IVNS1ABP: variants seen among roughly 807,000 people sequenced by gnomAD.
IVNS1ABP encodes influenza virus NS1A binding protein.
IVNS1ABP carries 25 observed loss-of-function variants against 78.9 expected under a neutral mutation model. The observed-to-expected ratio is 0.32, with a 90% CI of 0.23 to 0.44. IVNS1ABP has a LOEUF of 0.44. IVNS1ABP is among the 20% of genes least tolerant of loss of function. The pLI, the probability that IVNS1ABP is intolerant of heterozygous loss-of-function variation, is 1.00. For synonymous variants in IVNS1ABP, 241 were observed against 259.7 expected (o/e 0.93, Z 0.69); for missense variants, 494 against 768.9 (o/e 0.64, Z 4.23).
Position 185,307,488 on chromosome 1 carries a change from C to T in IVNS1ABP, c.531+1G>A. ...ATCTGTTTATAGACTTTACTCCTTA[C>T]CTTTAGCCTTGGAAGCTTAAGAAAC... On this transcript the variant is annotated splice_donor_variant, in intron 6 of 14. Coordinates refer to ENST00000367498, the MANE Select transcript of IVNS1ABP (RefSeq NM_006469.5). LOFTEE classifies it high-confidence loss of function. 1 of 1,610,274 alleles carries T rather than the reference C, an allele frequency of 6.2e-7. No homozygotes were observed. Among genetic ancestry groups the T allele is most frequent in the Non-Finnish European group, 8.5e-7 (1 of 1,177,940 alleles).
At chr1:185,314,437 C>G (rs778488198) in intron 1 of IVNS1ABP, among the ~76,000 whole-genome samples, 2 of 152,098 alleles carry the variant, frequency 1.3e-5, no homozygotes, top group Non-Finnish European at 2.9e-5. Flanking sequence ...ATAGCTTAAG[C>G]AGAAAGGAAA....
Position 185,311,834 on chromosome 1 carries a change from G to A in IVNS1ABP, c.-246-512C>T, listed in dbSNP as rs193003402. Reference sequence around the variant, plus strand: ...GGCCCTTAACCCAACCTCTGCCAGAGGAAATCTTACAGCCATAGAGCCTCT... The same window carrying A: ...GGCCCTTAACCCAACCTCTGCCAGAAGAAATCTTACAGCCATAGAGCCTCT... On this transcript the variant is annotated intron_variant, in intron 1 of 14. Transcript: ENST00000367498. Among the ~76,000 whole-genome samples the A allele has an allele frequency of 3.2e-3, 488 of 152,244 alleles. 2 individuals are homozygous for A. Among genetic ancestry groups the A allele is most frequent in the African/African-American group, 0.011 (466 of 41,528 alleles).
chr1:185,307,131 T>C lies in IVNS1ABP; in HGVS notation c.540A>G (p.Val180=). 3 of 1,613,238 alleles carry C rather than the reference T, an allele frequency of 1.9e-6. No individual in the cohort carries two copies. The highest frequency in any genetic ancestry group is 2.5e-6 in the Non-Finnish European group (3 of 1,179,398). The change falls in exon 7 of 15, where the codon GTA becomes GTG. Residue 180 remains valine (V), a synonymous_variant. Coordinates refer to ENST00000367498, the MANE Select transcript of IVNS1ABP (RefSeq NM_006469.5). The part of the protein sequence containing the change: ...FLKLPRLKLE[V]MLEDNVCLPS... ...GCAAGCAAACATTATCTTCAAGCAT[T>C]ACCTCCAACTAGAATTGGGAAAAAC...
chr1:185,315,325 G>A (rs969311408), intron 1 of IVNS1ABP, among the ~76,000 whole-genome samples: 7 of 152,046 alleles, frequency 4.6e-5, no homozygotes, highest in African/African-American at 1.7e-4. Context: ...CCAAAAGCAA[G>A]TAGCCAAAAA....
rs1665462344 is a variant in IVNS1ABP, at chr1:185,297,949, C to G, written c.*86G>C. 1 of 1,319,284 alleles carries G rather than the reference C, an allele frequency of 7.6e-7. No homozygotes were observed. Among genetic ancestry groups the G allele is most frequent in the Non-Finnish European group, 1.1e-6 (1 of 945,008 alleles). The allele number at this position is 1,319,284 out of a possible 1,614,324, so 81.7% of individuals were successfully genotyped here. A position where few individuals can be genotyped will look rare whatever the true frequency, so the allele number is the denominator to read the frequency against. ...GTGTTGCTGTTAGCAACATCTATAC[C>G]CACCCACCCTCTTTATTCACAAGTG... On this transcript the variant is annotated 3_prime_UTR_variant, in exon 15 of 15. Coordinates refer to ENST00000367498, the MANE Select transcript of IVNS1ABP (RefSeq NM_006469.5).
At chr1:185,306,891 T>C in intron 7 of IVNS1ABP, 123 bp downstream of exon 7, 4 of 1,067,742 alleles carry the variant, frequency 3.7e-6, no homozygotes, top group Non-Finnish European at 5.4e-6. Flanking sequence ...AGCTTAGGGG[T>C]ACCTATAGCA....
At chr1:185,308,920 CACTT>C (rs759979134) in intron 4 of IVNS1ABP, 45 bp from the exon 5 acceptor site, 16 of 1,575,398 alleles carry the variant, frequency 1.0e-5, no homozygotes, top group Non-Finnish European at 1.3e-5. Context: ...CCTTAAAACA[CACTT>C]AATTTAAATA....
intron 6 of IVNS1ABP, 36 bp downstream of exon 6, chr1:185,307,453 G>C (rs748937307): frequency 6.7e-7 from 1 of 1,497,468 alleles, no homozygotes; most frequent in South Asian, 1.2e-5. Context: ...CCTGGAACTA[G>C]ATAGTATATA....
chr1:185,307,473 A>G lies in IVNS1ABP; in HGVS notation c.531+16T>C. On this transcript the variant is annotated intron_variant, in intron 6 of 14. Transcript: ENST00000367498. The stretch of plus-strand genomic sequence containing the variant: ...AACTAGATAGTATATATCTGTTTAT[A>G]GACTTTACTCCTTACCTTTAGCCTT... 6.3e-7 allele frequency: 1 copy of G among 1,598,326 alleles called. No individual in the cohort carries two copies. The highest frequency in any genetic ancestry group is 8.5e-7 in the Non-Finnish European group (1 of 1,169,658).
Position 185,300,066 on chromosome 1 carries a change from T to G in IVNS1ABP, c.1434A>C (p.Gly478=). Residue 478 remains glycine (G), a synonymous_variant, in exon 13 of 15, where the codon GGA becomes GGC. Transcript: ENST00000367498. ...VGGSDPYGQK[G]LKNCDVFDPV... ...GATCAAATACATCACAATTTTTCAG[T>G]CCTTTTTGACCATATGGATCAGAGC... 6.2e-7 allele frequency: 1 copy of G among 1,613,472 alleles called. No homozygotes were observed. The highest frequency in any genetic ancestry group is 1.1e-5 in the South Asian group (1 of 91,072).
chr1:185,306,490 AATC>A (rs1428666443), intron 7 of IVNS1ABP: 1 of 1,289,506 alleles, frequency 7.8e-7, no homozygotes, highest in South Asian at 1.2e-5. Context: ...AACACCATTA[AATC>A]ATCATCGTTC....
chr1:185,299,573 A>G, intron 14 of IVNS1ABP, 137 bp downstream of exon 14: 1 of 780,466 alleles, frequency 1.3e-6, no homozygotes, highest in Admixed American at 2.0e-5. Context: ...AATCACCCTA[A>G]TCTCCATTGC....
rs1341260994 is a variant in IVNS1ABP, at chr1:185,311,155, T to C, written c.-79A>G. The C allele has an allele frequency of 5.3e-6, 2 of 379,766 alleles. No homozygotes were observed. Among genetic ancestry groups the C allele is most frequent in the South Asian group, 1.4e-4 (1 of 7,164 alleles). The allele number at this position is 379,766 out of a possible 1,614,324, so 23.5% of individuals were successfully genotyped here. A position where few individuals can be genotyped will look rare whatever the true frequency, so the allele number is the denominator to read the frequency against. ...CTTAAGTAATCCAAGGACAAAGGAG[T>C]GTTAAAAGGTGCACTTCGTCAGGGT... On this transcript the variant is annotated 5_prime_UTR_variant, in exon 2 of 15. Coordinates refer to ENST00000367498, the MANE Select transcript of IVNS1ABP (RefSeq NM_006469.5).
intron 8 of IVNS1ABP, among the ~76,000 whole-genome samples, chr1:185,303,875 C>G (rs1665665132): frequency 6.6e-6 from 1 of 152,098 alleles, no homozygotes; most frequent in South Asian, 2.1e-4. Flanking sequence ...GACTGTTCCC[C>G]AGTTTTTCAC....
chr1:185,301,351 C>T, intron 9 of IVNS1ABP, 83 bp downstream of exon 9: 1 of 1,520,044 alleles, frequency 6.6e-7, no homozygotes, highest in Non-Finnish European at 9.0e-7. Context: ...CTCGAGTAGT[C>T]AATTTAAGAG....
In IVNS1ABP at chr1:185,301,964, T is replaced by C. The variant is rs547813342; in HGVS notation, c.766-401A>G. Among the ~76,000 whole-genome samples, 128 of 152,230 alleles carry C rather than the reference T, an allele frequency of 8.4e-4. 5 individuals carry two copies. In the South Asian group the frequency reaches 0.026, roughly 31 times the overall value. ...CATTTAACCCACTATTTTCATGAAA[T>C]TGTCAAACCTAACTAAATCATATGT... is the stretch of plus-strand genomic sequence containing the variant. On this transcript the variant is annotated intron_variant, in intron 8 of 14. Coordinates refer to ENST00000367498, the MANE Select transcript of IVNS1ABP (RefSeq NM_006469.5).
chr1:185,308,902 T>A, intron 4 of IVNS1ABP, 27 bp from the exon 5 acceptor site: 2 of 1,585,894 alleles, frequency 1.3e-6, no homozygotes, highest in Non-Finnish European at 1.7e-6. Flanking sequence ...TTACTTATGA[T>A]ACCAAAGCCT....
At chr1:185,315,962 A>G (rs1317946932) in intron 1 of IVNS1ABP, among the ~76,000 whole-genome samples, 1 of 152,180 alleles carries the variant, frequency 6.6e-6, no homozygotes, top group Non-Finnish European at 1.5e-5. Flanking sequence ...TCTCCTTGAA[A>G]TGTCAGCTGT....
intron 2 of IVNS1ABP, among the ~76,000 whole-genome samples, chr1:185,310,654 T>G (rs1665862147): frequency 6.6e-6 from 1 of 151,900 alleles, no homozygotes; most frequent in South Asian, 2.1e-4. Flanking sequence ...GCAAGAAGAT[T>G]GCTTGAGCCC....
Sources: allele counts gnomAD v4.1 joint callset (sites outside exome capture counted in the v4.1 genomes callset), GRCh38; gene constraint gnomAD v4.1.1; transcripts MANE v1.5; gene names NCBI Gene and HGNC (gene_info 2026-07-23, HGNC 2026-07-21).